The following GLIS3 variants were observed in gnomAD, a reference collection of about 807,000 sequenced individuals.
GLIS3 encodes GLIS family zinc finger 3.
In GLIS3, 53 loss-of-function variants were observed where a neutral mutation model predicts 78.6. The ratio of observed to expected loss-of-function variants is 0.67; its 90% CI spans 0.54 to 0.85. The LOEUF is 0.85. GLIS3 is among the 40% of genes least tolerant of loss of function. The probability of loss-of-function intolerance (pLI) is 0.00; values close to 1 mark genes in which losing one functional copy is unlikely to be tolerated. For synonymous variants in GLIS3, 684 were observed against 509.9 expected (o/e 1.34, Z -4.60); for missense variants, 1,703 against 1,231.1 (o/e 1.38, Z -5.74).
chr9:4,223,094 A>C (rs563502566), intron 2 of GLIS3, among the ~76,000 whole-genome samples: 1 of 152,144 alleles, frequency 6.6e-6, no homozygotes, highest in Non-Finnish European at 1.5e-5. Context: ...ACAAGCAGAA[A>C]CCTTTTCATA....
chr9:4,464,562 T>C, the GLIS3 span, among the ~76,000 whole-genome samples: 4 of 151,988 alleles, frequency 2.6e-5, no homozygotes, highest in Non-Finnish European at 5.9e-5. Context: ...ACCAGCATAA[T>C]TTTTGTATTT....
At chr9:4,024,809 T>A (rs1421789473) in intron 4 of GLIS3, among the ~76,000 whole-genome samples, 1 of 152,224 alleles carries the variant, frequency 6.6e-6, no homozygotes, top group Non-Finnish European at 1.5e-5. Flanking sequence ...CTTCCTCCTG[T>A]TTATCACAGA....
intron 2 of GLIS3, among the ~76,000 whole-genome samples, chr9:4,240,975 G>C (rs1290077847): frequency 6.6e-6 from 1 of 151,782 alleles, no homozygotes; most frequent in Non-Finnish European, 1.5e-5. Context: ...GTGTGTGTAC[G>C]TGTGTACATA....
chr9:4,482,160 G>T, the GLIS3 span, among the ~76,000 whole-genome samples: 1 of 152,158 alleles, frequency 6.6e-6, no homozygotes. Flanking sequence ...GCTTGTGTGA[G>T]GCAGACAGAG....
intron 2 of GLIS3, among the ~76,000 whole-genome samples, chr9:4,238,909 T>G (rs1431243820): frequency 6.6e-6 from 1 of 152,092 alleles, no homozygotes; most frequent in Non-Finnish European, 1.5e-5. Flanking sequence ...AGTGACTTTT[T>G]CACCACGAGG....
At chr9:4,378,157 C>T in the GLIS3 span, among the ~76,000 whole-genome samples, 52 of 152,100 alleles carry the variant, frequency 3.4e-4, 1 homozygote, top group African/African-American at 1.2e-3. Context: ...TGTGTAGAAG[C>T]TCAATTATGA....
chr9:4,184,675 T>C (rs1160767164), intron 2 of GLIS3, among the ~76,000 whole-genome samples: 1 of 152,220 alleles, frequency 6.6e-6, no homozygotes, highest in East Asian at 1.9e-4. Flanking sequence ...AACCCCTGGT[T>C]GGAGGGGAGA....
rs968629012 is a variant in GLIS3, at chr9:4,009,631, C to T, written c.1711-72442G>A. 2.6e-5 allele frequency among the ~76,000 whole-genome samples: 4 copies of T among 152,130 alleles called. No homozygotes were observed. In the South Asian group the frequency reaches 6.2e-4, roughly 24 times the overall value. On this transcript the variant is annotated intron_variant, in intron 4 of 10. Transcript: ENST00000381971. ...TAATGCTCCCCAAGACTCTGTGTTA[C>T]GTTTGGCAGAAGAATGGCAGTTCCA... is the stretch of plus-strand genomic sequence containing the variant.
chr9:4,452,688 G>C, the GLIS3 span, among the ~76,000 whole-genome samples: 1 of 152,146 alleles, frequency 6.6e-6, no homozygotes, highest in Admixed American at 6.6e-5. Context: ...ACAAAGGGAA[G>C]GACATTCCAT....
intron 1 of GLIS3, among the ~76,000 whole-genome samples, chr9:4,295,752 C>T (rs752941978): frequency 6.6e-6 from 1 of 152,134 alleles, no homozygotes; most frequent in Non-Finnish European, 1.5e-5. Context: ...GATAAGTGTG[C>T]TTTTCCGTAA....
chr9:4,039,402 C>T (rs1332299259), intron 4 of GLIS3, among the ~76,000 whole-genome samples: 1 of 152,194 alleles, frequency 6.6e-6, no homozygotes, highest in East Asian at 1.9e-4. Flanking sequence ...ATCTCTCTCT[C>T]TCTCTTCCAG....
At chr9:3,966,837 C>T (rs1817972461) in intron 4 of GLIS3, among the ~76,000 whole-genome samples, 1 of 151,022 alleles carries the variant, frequency 6.6e-6, no homozygotes, top group South Asian at 2.1e-4. Context: ...TTACACACCA[C>T]AAAATCCACC....
intron 4 of GLIS3, chr9:4,071,303 C>T (rs991287174): frequency 6.6e-6 from 1 of 151,426 alleles, no homozygotes; most frequent in African/African-American, 2.5e-5. Context: ...TGTCCTTAAT[C>T]AAAACCTTGC....
At chr9:4,024,479 C>A (rs1823147631) in intron 4 of GLIS3, among the ~76,000 whole-genome samples, 3 of 152,190 alleles carry the variant, frequency 2.0e-5, no homozygotes, top group Non-Finnish European at 4.4e-5. Flanking sequence ...GATGGGGCTG[C>A]TCCATGTGGC....
At chr9:4,059,523 T>C (rs1470612503) in intron 4 of GLIS3, among the ~76,000 whole-genome samples, 1 of 152,206 alleles carries the variant, frequency 6.6e-6, no homozygotes, top group African/African-American at 2.4e-5. Context: ...AGAGAAGTAC[T>C]ATTGGCTTTT....
chr9:4,152,858 C>G (rs1247508127), intron 2 of GLIS3, among the ~76,000 whole-genome samples: 4 of 152,068 alleles, frequency 2.6e-5, no homozygotes, highest in Non-Finnish European at 5.9e-5. Flanking sequence ...TTCTGAAGAC[C>G]TAAATAAACA....
intron 2 of GLIS3, chr9:4,147,664 T>G (rs902759783): frequency 6.6e-6 from 1 of 151,734 alleles, no homozygotes; most frequent in Admixed American, 6.6e-5. Flanking sequence ...AAACAATGAC[T>G]CCCTTCAAGG....
intron 4 of GLIS3, among the ~76,000 whole-genome samples, chr9:3,972,561 TTTTG>T (rs1028455607): frequency 1.3e-5 from 2 of 152,108 alleles, no homozygotes; most frequent in Non-Finnish European, 2.9e-5. Flanking sequence ...AAAGGGTTTT[TTTTG>T]TTTGTTTGTT....
At chr9:4,399,379 G>C in the GLIS3 span, among the ~76,000 whole-genome samples, 2 of 152,122 alleles carry the variant, frequency 1.3e-5, no homozygotes, top group African/African-American at 4.8e-5. Context: ...TCTTTTATAT[G>C]AATCATTAAA....
Sources: gnomAD v4.1 joint callset for allele counts (sites outside exome capture counted in the v4.1 genomes callset) on GRCh38, gnomAD v4.1.1 for gene constraint, MANE v1.5 for transcripts, NCBI Gene and HGNC (gene_info 2026-07-23, HGNC 2026-07-21) for gene names.